The following PPFIA4 variants were observed in gnomAD, a reference collection of about 807,000 sequenced individuals.
PPFIA4 encodes the protein PPFI scaffold protein A4, also known as liprin-alpha-4.
PPFIA4 carries 98 observed loss-of-function variants against 145.7 expected under a neutral mutation model. The ratio of observed to expected loss-of-function variants is 0.67; its 90% confidence interval spans 0.57 to 0.80. The LOEUF (loss-of-function observed/expected upper bound fraction) is 0.80, where lower values mean the gene tolerates loss of function less well. Ranked by LOEUF, PPFIA4 falls within the 30% of genes least tolerant of loss-of-function variation. The pLI is 0.00. For synonymous variants in PPFIA4, 628 were observed against 649.6 expected (o/e 0.97, Z 0.51); for missense variants, 1,457 against 1,632.7 (o/e 0.89, Z 1.85).
rs779798395 is a variant in PPFIA4 at position 203,068,670 on chromosome 1, A to G, written c.3324+42A>G. 12 of 1,425,688 alleles carry G rather than the reference A, an allele frequency of 8.4e-6. No homozygotes were observed. In the African/African-American group the frequency reaches 1.0e-4, roughly 12 times the overall value. 88.3% of individuals were successfully genotyped at this position (1,425,688 alleles called of 1,614,324 possible). On this transcript the variant is annotated intron_variant, in intron 27 of 29. Coordinates refer to ENST00000295706, the MANE Select transcript of PPFIA4 (RefSeq NM_001304331.2). This position sits in a 1 kb window ranked among gnomAD's most constrained non-coding sequence, Gnocchi z 4.7. ...TCAGTCAACTTGAGTCTCTCCCTGT[A>G]TCCCTCACTTGCTCTCTTTCTTTCC...
intron 1 of PPFIA4, among the ~76,000 whole-genome samples, chr1:203,032,973 C>G (rs557093634): frequency 6.6e-6 from 1 of 152,200 alleles, no homozygotes. Context: ...TGGGGAGCAG[C>G]TGGAGAGCTG....
At chr1:203,045,005 T>A (rs1447697033) in intron 6 of PPFIA4, among the ~76,000 whole-genome samples, 1 of 152,188 alleles carries the variant, frequency 6.6e-6, no homozygotes, top group African/African-American at 2.4e-5. Context: ...ATCATACGCT[T>A]GTCTGCTTGA....
rs1169954045 is a variant in PPFIA4 at position 203,056,948 on chromosome 1, A to G, written c.2405A>G (p.His802Arg). The change falls in exon 19 of 30, where the codon CAT (histidine) becomes CGT (arginine). Residue 802 changes from histidine (H) to arginine (R), a missense_variant and splice_region_variant. By Grantham distance (29) the His-to-Arg change is conservative. Around this residue, in one of 3 missense-constraint regions of PPFIA4, gnomAD observed 848 missense variants for 1,046.7 expected, o/e 0.81. Transcript: ENST00000295706. The stretch of plus-strand genomic sequence containing the variant: ...CTGAGTCGGGATGGAGCCACAGGCC[A>G]TGGTCTCTGTCCCCTTCCTAACGGA... ...IQLSRDGATG[H>R]VLLTDSEFSM... is the part of the protein sequence containing the mutation. The G allele has an allele frequency of 1.2e-6, 2 of 1,613,924 alleles. No homozygotes were observed. The highest frequency in any genetic ancestry group is 1.3e-5 in the African/African-American group (1 of 74,960).
rs551337561 is a variant in PPFIA4, at chr1:203,067,816, G to A, written c.3148+24G>A. 9 of 1,609,716 alleles carry A rather than the reference G, an allele frequency of 5.6e-6. No homozygotes were observed. In the Admixed American group the frequency reaches 1.2e-4, roughly 21 times the overall value. ...GGGTAAGCTCGTCAGGCTTGGAGAGGGTTCGGGAGCAGCCTGCTTGGCTGG... is the reference window on the plus strand; with the variant it reads ...GGGTAAGCTCGTCAGGCTTGGAGAGAGTTCGGGAGCAGCCTGCTTGGCTGG... On this transcript the variant is annotated intron_variant, in intron 26 of 29. Coordinates refer to ENST00000295706, the MANE Select transcript of PPFIA4 (RefSeq NM_001304331.2).
rs574428093 is a variant in PPFIA4 at position 203,067,249 on chromosome 1, G to A, written c.3051-446G>A. ...CAGCAGAGAGAGCAAGAGGGAGAGT[G>A]GCTGAAGTGGGTGTTAAATGGGTAG... On this transcript the variant is annotated intron_variant, in intron 25 of 29. Transcript: ENST00000295706. Among the ~76,000 whole-genome samples the A allele has an allele frequency of 4.6e-5, 7 of 152,258 alleles. No individual in the cohort carries two copies. The South Asian group carries it at 1.0e-3, about 23-fold the overall frequency.
intron 24 of PPFIA4, among the ~76,000 whole-genome samples, chr1:203,062,428 C>T (rs371963287): frequency 2.4e-3 from 314 of 128,786 alleles, no homozygotes; most frequent in African/African-American, 8.6e-3. Context: ...TGCAGTGAGC[C>T]GAGATCACAC....
chr1:203,026,509 G>T lies in PPFIA4; in HGVS notation c.-520G>T, dbSNP rs1054658700. The T allele has an allele frequency of 2.6e-5, 4 of 152,286 alleles. No homozygotes were observed. The highest frequency in any genetic ancestry group is 2.9e-5 in the Non-Finnish European group (2 of 68,140). 9.4% of individuals were successfully genotyped at this position (152,286 alleles called of 1,614,324 possible). A position where few individuals can be genotyped will look rare whatever the true frequency, so the allele number is the denominator to read the frequency against. ...GGGCCCCGCGGCCGCGCGCTTGGGC[G>T]GCGGAGGCTGCAGCTACCTCGGCGC... On this transcript the variant is annotated 5_prime_UTR_variant, in exon 1 of 30. Transcript: ENST00000295706.
chr1:203,076,563 TC>T lies in PPFIA4; in HGVS notation c.*176del. 3.1e-6 allele frequency: 2 copies of T among 639,552 alleles called. No individual in the cohort carries two copies. The highest frequency in any genetic ancestry group is 5.5e-6 in the Non-Finnish European group (2 of 366,308). 39.6% of individuals were successfully genotyped at this position (639,552 alleles called of 1,614,324 possible). ...CCCCTCGGCACCCCATTACCCCGAG[TC>T]CCACCGTGTGTCCGTTGTAAGTCCG... On this transcript the variant is annotated 3_prime_UTR_variant, in exon 30 of 30. Transcript: ENST00000295706.
In PPFIA4 at chr1:203,061,532, C is replaced by T. The variant is rs1266185960; in HGVS notation, c.2848-120C>T. On this transcript the variant is annotated intron_variant, in intron 23 of 29. Transcript: ENST00000295706. ...TCTTAACCATCCTGACGAGCTTTCC[C>T]CAGTCACCCAGCCAGATACTGGGAT... is the stretch of plus-strand genomic sequence containing the variant. The T allele has an allele frequency of 3.8e-6, 4 of 1,039,582 alleles. No homozygotes were observed. In the African/African-American group the frequency reaches 5.0e-5, roughly 13 times the overall value. The allele number at this position is 1,039,582 out of a possible 1,614,324, so 64.4% of individuals were successfully genotyped here.
chr1:203,057,030 T>C, intron 19 of PPFIA4, 80 bp downstream of exon 19: 2 of 1,575,682 alleles, frequency 1.3e-6, no homozygotes, highest in Non-Finnish European at 1.7e-6. Flanking sequence ...ACTGGCCTTC[T>C]CTGCCTGCGT....
At chr1:203,059,355 C>A in intron 20 of PPFIA4, 84 bp downstream of exon 20, 1 of 1,195,322 alleles carries the variant, frequency 8.4e-7, no homozygotes, top group Non-Finnish European at 1.2e-6. Flanking sequence ...TGAAACTGAG[C>A]TCAGAGACCC....
intron 1 of PPFIA4, among the ~76,000 whole-genome samples, chr1:203,029,414 G>A (rs1658664152): frequency 6.6e-6 from 1 of 152,232 alleles, no homozygotes; most frequent in Admixed American, 6.5e-5. Context: ...AACTCCACGT[G>A]GTGCTCAGCA....
At position 203,076,559 on chromosome 1, in the gene PPFIA4, C is replaced by G; in HGVS notation, c.*169C>G. 1 of 647,816 alleles carries G rather than the reference C, an allele frequency of 1.5e-6. No homozygotes were observed. Among genetic ancestry groups the G allele is most frequent in the Non-Finnish European group, 2.7e-6 (1 of 372,414 alleles). 40.1% of individuals were successfully genotyped at this position (647,816 alleles called of 1,614,324 possible). On this transcript the variant is annotated 3_prime_UTR_variant, in exon 30 of 30. Transcript: ENST00000295706. ...CCACCCCCTCGGCACCCCATTACCC[C>G]GAGTCCCACCGTGTGTCCGTTGTAA... is the stretch of plus-strand genomic sequence containing the variant.
In PPFIA4 at chr1:203,075,884, G is replaced by A; in HGVS notation, c.3574+127G>A. 1 of 985,664 alleles carries A rather than the reference G, an allele frequency of 1.0e-6. No individual in the cohort carries two copies. The highest frequency in any genetic ancestry group is 1.4e-6 in the Non-Finnish European group (1 of 725,148). 61.1% of individuals were successfully genotyped at this position (985,664 alleles called of 1,614,324 possible). On this transcript the variant is annotated intron_variant, in intron 29 of 29. Transcript: ENST00000295706. The surrounding 1 kb of genome is among the most constrained non-coding windows in gnomAD (Gnocchi z 4.1). ...TGGTGCCCCGCGCTCCTGCGCTGCA[G>A]CTGCACTAACGCTCCGCGGGGAGCG...
intron 20 of PPFIA4, 127 bp downstream of exon 20, chr1:203,059,398 G>C: frequency 1.2e-6 from 1 of 829,156 alleles, no homozygotes; most frequent in Non-Finnish European, 2.0e-6. Context: ...GAACTGAGTT[G>C]GTCTGGTCCA....
In PPFIA4 at chr1:203,055,043, T is replaced by A. The variant is rs527797199; in HGVS notation, c.1830-389T>A. ...GGAACAGGGAAAACCCCACCAGGGG[T>A]CAGCATCATTTAAAAGTCCTACACT... On this transcript the variant is annotated intron_variant, in intron 15 of 29. Coordinates refer to ENST00000295706, the MANE Select transcript of PPFIA4 (RefSeq NM_001304331.2). The surrounding 1 kb of genome is among the most constrained non-coding windows in gnomAD (Gnocchi z 4.8). 5.7e-4 allele frequency among the ~76,000 whole-genome samples: 86 copies of A among 152,096 alleles called. No homozygotes were observed. Among genetic ancestry groups the A allele is most frequent in the African/African-American group, 2.1e-3 (86 of 41,466 alleles).
chr1:203,049,801 C>A, intron 13 of PPFIA4, 34 bp downstream of exon 13: 1 of 1,494,064 alleles, frequency 6.7e-7, no homozygotes, highest in Non-Finnish European at 9.0e-7. Flanking sequence ...CATGCCAGGA[C>A]GGGGTCCTGA....
chr1:203,038,764 G>T lies in PPFIA4; in HGVS notation c.-245G>T. The T allele has an allele frequency of 2.7e-6, 1 of 364,076 alleles. No homozygotes were observed. Among genetic ancestry groups the T allele is most frequent in the Admixed American group, 4.4e-5 (1 of 22,576 alleles). The allele number at this position is 364,076 out of a possible 1,614,324, so 22.6% of individuals were successfully genotyped here. A position where few individuals can be genotyped will look rare whatever the true frequency, so the allele number is the denominator to read the frequency against. ...TGCTGTCTGCATGTCTGGGGACACA[G>T]GGCACCCAGCCCCAGCCCTGAGAAG... On this transcript the variant is annotated 5_prime_UTR_variant, in exon 2 of 30. In the 5' UTR this introduces an upstream ATG that the reference lacks. Coordinates refer to ENST00000295706, the MANE Select transcript of PPFIA4 (RefSeq NM_001304331.2).
At position 203,051,606 on chromosome 1, in the gene PPFIA4, C is replaced by G. The variant is rs1442434010; in HGVS notation, c.1512-163C>G. On this transcript the variant is annotated intron_variant, in intron 13 of 29. Transcript: ENST00000295706. ...GAGCACCAGGGCATACGTCTGCTCTCTTGCTTACACGGCAGCCCTTCAGAC... is the reference window on the plus strand; with the variant it reads ...GAGCACCAGGGCATACGTCTGCTCTGTTGCTTACACGGCAGCCCTTCAGAC... The G allele has an allele frequency of 4.5e-6, 6 of 1,345,400 alleles. No homozygotes were observed. The African/African-American group carries it at 8.9e-5, about 20-fold the overall frequency. 83.3% of individuals were successfully genotyped at this position (1,345,400 alleles called of 1,614,324 possible). A position where few individuals can be genotyped will look rare whatever the true frequency, so the allele number is the denominator to read the frequency against.
Sources: gnomAD v4.1 joint callset for allele counts (sites outside exome capture counted in the v4.1 genomes callset) on GRCh38, gnomAD v4.1.1 for gene constraint, gnomAD v4.1.1 regional missense constraint, Gnocchi (gnomAD v3.1) non-coding constraint, MANE v1.5 for transcripts, NCBI Gene and HGNC (gene_info 2026-07-23, HGNC 2026-07-21) for gene names.